The following PHAX variants were observed in gnomAD, a reference collection of about 807,000 sequenced individuals.
PHAX encodes phosphorylated adapter RNA export protein.
In PHAX, 31 loss-of-function variants were observed where a neutral mutation model predicts 41.6. That is an observed-to-expected ratio of 0.75 (90% CI 0.56 to 1.01). The LOEUF (loss-of-function observed/expected upper bound fraction) is 1.01. Ranked by LOEUF, PHAX falls within the 50% of genes least tolerant of loss-of-function variation. PHAX has a pLI of 0.00. For synonymous variants in PHAX, 175 were observed against 164.9 expected (o/e 1.06, Z -0.47); for missense variants, 453 against 472.9 (o/e 0.96, Z 0.39).
In PHAX at chr5:126,604,274, C is replaced by CTTTTTTTTTTTTTTTTTTTTTTTTTT. The variant is rs57270218; in HGVS notation, c.710+110_710+111insTTTTTTTTTTTTTTTTTTTTTTTTTT. The CTTTTTTTTTTTTTTTTTTTTTTTTTT allele has an allele frequency of 1.4e-5, 9 of 645,848 alleles. 1 individual carries two copies. The African/African-American group carries it at 2.8e-4, about 20-fold the overall frequency. 40.0% of individuals were successfully genotyped at this position (645,848 alleles called of 1,614,324 possible). On this transcript the variant is annotated intron_variant, in intron 2 of 4. Coordinates refer to ENST00000297540, the MANE Select transcript of PHAX (RefSeq NM_032177.4). ...TGCCAAATACTTTAATGATATGTTC[C>CTTTTTTTTTTTTTTTTTTTTTTTTTT]TTTTTTTTTTTTTTTTTTTGGAGAC...
chr5:126,624,384 G>C (rs976086752), intron 4 of PHAX, among the ~76,000 whole-genome samples, 191 bp from the exon 5 acceptor site: 1 of 152,088 alleles, frequency 6.6e-6, no homozygotes, highest in Non-Finnish European at 1.5e-5. Flanking sequence ...CTAACACTAG[G>C]CTGGGTTTAA....
chr5:126,602,244 GC>G, intron 1 of PHAX, among the ~76,000 whole-genome samples: 1 of 152,378 alleles, frequency 6.6e-6, no homozygotes, highest in South Asian at 2.1e-4. Context: ...ACCGCGCCCG[GC>G]CCAGCTTCCC....
At chr5:126,621,502 A>G (rs1367677665) in intron 4 of PHAX, among the ~76,000 whole-genome samples, 1 of 152,096 alleles carries the variant, frequency 6.6e-6, no homozygotes, top group Non-Finnish European at 1.5e-5. Context: ...AAATTTTATT[A>G]TAGATCATTT....
intron 4 of PHAX, among the ~76,000 whole-genome samples, chr5:126,623,601 T>A (rs1457667988): frequency 6.6e-6 from 1 of 152,128 alleles, no homozygotes; most frequent in South Asian, 2.1e-4. Flanking sequence ...AGCAAATACT[T>A]TTCTTATTTC....
rs1752335800 is a variant in PHAX at position 126,625,573 on chromosome 5, G to T, written c.*729G>T. On this transcript the variant is annotated 3_prime_UTR_variant, in exon 5 of 5. Coordinates refer to ENST00000297540, the MANE Select transcript of PHAX (RefSeq NM_032177.4). ...GATCGTACCACTGTACTCCAGCCTG[G>T]GCGACAGAGCAAGACTCTGTCTCAA... 6.6e-6 allele frequency: 1 copy of T among 150,470 alleles called. No homozygotes were observed. The highest frequency in any genetic ancestry group is 6.6e-5 in the Admixed American group (1 of 15,046). The allele number at this position is 150,470 out of a possible 1,614,324, so 9.3% of individuals were successfully genotyped here. A position where few individuals can be genotyped will look rare whatever the true frequency, so the allele number is the denominator to read the frequency against.
chr5:126,621,052 A>G (rs1299110560), intron 4 of PHAX, among the ~76,000 whole-genome samples: 1 of 151,998 alleles, frequency 6.6e-6, no homozygotes, highest in African/African-American at 2.4e-5. Flanking sequence ...TTCTTTTTAA[A>G]AAGAGACGGT....
At chr5:126,602,143 C>T (rs1751914072) in intron 1 of PHAX, among the ~76,000 whole-genome samples, 1 of 151,996 alleles carries the variant, frequency 6.6e-6, no homozygotes, top group Non-Finnish European at 1.5e-5. Context: ...GACGGGGGTT[C>T]TCCATGTTGG....
At chr5:126,618,671 T>G (rs997896054) in intron 4 of PHAX, among the ~76,000 whole-genome samples, 3 of 119,820 alleles carry the variant, frequency 2.5e-5, no homozygotes, top group Admixed American at 8.2e-5. Flanking sequence ...TTAAAAACTG[T>G]TTTTTTTTTT....
At chr5:126,622,236 T>C (rs1287950595) in intron 4 of PHAX, among the ~76,000 whole-genome samples, 1 of 151,854 alleles carries the variant, frequency 6.6e-6, no homozygotes, top group African/African-American at 2.4e-5. Flanking sequence ...CGGGTTCAGG[T>C]GATTCCCCTG....
At chr5:126,616,795 G>A (rs1026841623) in intron 3 of PHAX, among the ~76,000 whole-genome samples, 1 of 150,904 alleles carries the variant, frequency 6.6e-6, no homozygotes, top group Non-Finnish European at 1.5e-5. Context: ...CAGGAGAAAC[G>A]CTTGAACCCC....
Position 126,625,342 on chromosome 5 carries a change from A to G in PHAX, c.*498A>G, listed in dbSNP as rs1752331212. On this transcript the variant is annotated 3_prime_UTR_variant, in exon 5 of 5. Transcript: ENST00000297540. ...CCAGGCACGGTGGCTCACGCCTGTA[A>G]TCCCAACACTTTAGGAGACCAAGGC... The G allele has an allele frequency of 6.5e-6, 1 of 153,822 alleles. No individual in the cohort carries two copies. Among genetic ancestry groups the G allele is most frequent in the African/African-American group, 2.4e-5 (1 of 41,464 alleles). 9.5% of individuals were successfully genotyped at this position (153,822 alleles called of 1,614,324 possible).
rs1306765097 is a variant in PHAX at position 126,624,701 on chromosome 5, G to A, written c.1042G>A (p.Asp348Asn). The change falls in exon 5 of 5, where the codon GAT becomes AAT. Residue 348 changes from aspartate to asparagine, a missense_variant. Transcript: ENST00000297540. ...AAGTCTAAATTTTCAAGAAGATGATGATACATCACGAGAAACTTTTGCAAG... is the reference window on the plus strand; with the variant it reads ...AAGTCTAAATTTTCAAGAAGATGATAATACATCACGAGAAACTTTTGCAAG... ...IKSLNFQEDD[D>N]TSRETFASDT... 6.2e-7 allele frequency: 1 copy of A among 1,614,058 alleles called. No homozygotes were observed. The highest frequency in any genetic ancestry group is 1.7e-5 in the Admixed American group (1 of 60,000).
intron 3 of PHAX, among the ~76,000 whole-genome samples, chr5:126,613,281 G>A (rs1162408630): frequency 6.6e-6 from 1 of 152,230 alleles, no homozygotes. Flanking sequence ...CCTGGGAGGT[G>A]GAGGTTGCAG....
chr5:126,611,610 A>C (rs527873068), intron 3 of PHAX, among the ~76,000 whole-genome samples: 1 of 152,138 alleles, frequency 6.6e-6, no homozygotes, highest in African/African-American at 2.4e-5. Flanking sequence ...ACATGGTGAA[A>C]TCCTGTTCTA....
intron 3 of PHAX, among the ~76,000 whole-genome samples, chr5:126,612,646 A>G (rs1752120550): frequency 6.6e-6 from 1 of 152,112 alleles, no homozygotes; most frequent in Non-Finnish European, 1.5e-5. Flanking sequence ...GGTTGCCATG[A>G]GCCGGGATTG....
chr5:126,607,762 A>G (rs569582463), intron 2 of PHAX, among the ~76,000 whole-genome samples: 1 of 152,168 alleles, frequency 6.6e-6, no homozygotes, highest in East Asian at 1.9e-4. Flanking sequence ...TAGGCTACCT[A>G]TGTTTCTAAC....
At chr5:126,609,763 G>A (rs1235964649) in intron 3 of PHAX, among the ~76,000 whole-genome samples, 2 of 150,832 alleles carry the variant, frequency 1.3e-5, no homozygotes, top group African/African-American at 2.4e-5. Context: ...TTTTTGAGAC[G>A]GAATCTCACT....
chr5:126,621,795 T>G (rs1752276121), intron 4 of PHAX, among the ~76,000 whole-genome samples: 2 of 152,120 alleles, frequency 1.3e-5, no homozygotes, highest in Non-Finnish European at 2.9e-5. Flanking sequence ...GAGAGTTAAG[T>G]ATATATAGAT....
chr5:126,605,818 G>T (rs1376022770), intron 2 of PHAX, among the ~76,000 whole-genome samples: 1 of 152,100 alleles, frequency 6.6e-6, no homozygotes, highest in Admixed American at 6.6e-5. Context: ...TTAAATCATG[G>T]GTTGTTTTTG....
Sources: allele counts gnomAD v4.1 joint callset (sites outside exome capture counted in the v4.1 genomes callset), GRCh38; gene constraint gnomAD v4.1.1; transcripts MANE v1.5; gene names NCBI Gene and HGNC (gene_info 2026-07-23, HGNC 2026-07-21).